The following SCN2A variants were observed in gnomAD, a reference collection of about 807,000 sequenced individuals.
SCN2A encodes the protein sodium channel protein type 2 subunit alpha.
SCN2A carries 20 observed loss-of-function variants against 188.7 expected under a neutral mutation model. The observed-to-expected ratio is 0.11, with a 90% CI of 0.07 to 0.15. SCN2A has a LOEUF of 0.15. Among genes scored for constraint, SCN2A ranks in the 10% least tolerant of loss-of-function variants. The pLI, the probability that SCN2A is intolerant of heterozygous loss-of-function variation, is 1.00. For missense variants in SCN2A, 1,278 were observed against 2,445.0 expected, an observed-to-expected ratio of 0.52 and a Z score of 10.07; for synonymous variants, 804 against 833.1, an observed-to-expected ratio of 0.97 and a Z score of 0.60.
chr2:165,261,482 T>C (rs1454938025), intron 1 of SCN2A, among the ~76,000 whole-genome samples: 1 of 152,210 alleles, frequency 6.6e-6, no homozygotes, highest in East Asian at 1.9e-4. Context: ...AACAGGGAAG[T>C]TATATACTAG....
chr2:165,384,047 G>A (rs899021072), intron 25 of SCN2A, among the ~76,000 whole-genome samples: 10 of 151,954 alleles, frequency 6.6e-5, no homozygotes, highest in African/African-American at 2.4e-4. Context: ...GAATAATTAC[G>A]GCATAAAAAT....
At chr2:165,379,819 T>C (rs1250391831) in intron 23 of SCN2A, among the ~76,000 whole-genome samples, 1 of 151,728 alleles carries the variant, frequency 6.6e-6, no homozygotes, top group Non-Finnish European at 1.5e-5. Context: ...TCATCAGGGA[T>C]TGGTTAACTG....
At chr2:165,368,935 T>TATC (rs1700875330) in intron 19 of SCN2A, among the ~76,000 whole-genome samples, 3 of 151,812 alleles carry the variant, frequency 2.0e-5, no homozygotes, top group African/African-American at 7.3e-5. Flanking sequence ...TTATTATTAT[T>TATC]ATTATTATTT....
intron 10 of SCN2A, 77 bp from the exon 11 acceptor site, chr2:165,315,394 G>A (rs562327683): frequency 1.3e-6 from 2 of 1,593,048 alleles, no homozygotes; most frequent in African/African-American, 1.3e-5. Context: ...TCATGATATT[G>A]AAGCTCAATT....
Position 165,295,791 on chromosome 2 carries a change from G to A in SCN2A, c.-33G>A. The A allele has an allele frequency of 6.2e-7, 1 of 1,613,760 alleles. No homozygotes were observed. The highest frequency in any genetic ancestry group is 8.5e-7 in the Non-Finnish European group (1 of 1,179,958). On this transcript the variant is annotated 5_prime_UTR_variant, in exon 2 of 27. Coordinates refer to ENST00000375437, the MANE Select transcript of SCN2A (RefSeq NM_001040142.2). ...TCTGTAGCACTTTCTTATGCAAGGA[G>A]CTAAACAGTGATTAAAGGAGCAGGA...
Position 165,367,124 on chromosome 2 carries a change from A to G in SCN2A, c.3521-93A>G, listed in dbSNP as rs1421924121. 4 of 1,180,072 alleles carry G rather than the reference A, an allele frequency of 3.4e-6. No homozygotes were observed. In the Admixed American group the frequency reaches 7.2e-5, roughly 21 times the overall value. 73.1% of individuals were successfully genotyped at this position (1,180,072 alleles called of 1,614,324 possible). On this transcript the variant is annotated intron_variant, in intron 18 of 26. Transcript: ENST00000375437. ...AAATTAATGTTATTTACAATGTATT[A>G]TCAGGTAATAATGTAAATGAATCTC...
rs202213909 is a variant in SCN2A at position 165,389,858 on chromosome 2, T to C, written c.*34T>C. 78 of 1,562,240 alleles carry C rather than the reference T, an allele frequency of 5.0e-5. 1 individual carries two copies. The highest frequency in any genetic ancestry group is 3.9e-4 in the African/African-American group (29 of 74,112). ...CAAGAATTTTCCATTTTGTGATCAA[T>C]TGTTTACAGCCCGTGATGGTGATGT... On this transcript the variant is annotated 3_prime_UTR_variant, in exon 27 of 27. Coordinates refer to ENST00000375437, the MANE Select transcript of SCN2A (RefSeq NM_001040142.2). This position sits in a 1 kb window ranked among gnomAD's most constrained non-coding sequence, Gnocchi z 4.2.
chr2:165,244,075 C>G (rs1693739877), intron 1 of SCN2A, among the ~76,000 whole-genome samples: 1 of 151,890 alleles, frequency 6.6e-6, no homozygotes. Flanking sequence ...AAACCTGTCT[C>G]TAGTAAAAAT....
intron 1 of SCN2A, among the ~76,000 whole-genome samples, chr2:165,240,659 C>CTGTGTGTGTGTGTGTGTGTGTGTGTGTG (rs35247335): frequency 7.3e-6 from 1 of 136,382 alleles, no homozygotes; most frequent in African/African-American, 2.8e-5. Flanking sequence ...GTGGAAAGAG[C>CTGTGTGTGTGTGTGTGTGTGTGTGTGTG]TGTGTGTGTG....
At chr2:165,338,638 C>G (rs1048320363) in intron 14 of SCN2A, among the ~76,000 whole-genome samples, 1 of 151,640 alleles carries the variant, frequency 6.6e-6, no homozygotes, top group South Asian at 2.1e-4. Context: ...AACACAGAAG[C>G]AAAAAATCAT....
intron 11 of SCN2A, among the ~76,000 whole-genome samples, chr2:165,319,430 T>C (rs1024516157): frequency 6.6e-6 from 1 of 152,200 alleles, no homozygotes; most frequent in Non-Finnish European, 1.5e-5. Flanking sequence ...AGACATTTAA[T>C]AGAAACTAAC....
Position 165,323,212 on chromosome 2 carries a change from C to A in SCN2A, c.1728C>A (p.Ser576Arg), listed in dbSNP as rs1382196994. The A allele has an allele frequency of 1.2e-6, 2 of 1,614,192 alleles. No individual in the cohort carries two copies. The highest frequency in any genetic ancestry group is 1.7e-6 in the Non-Finnish European group (2 of 1,180,040). ...CTCCAAGACGCAACAGTAGGGCGAG[C>A]CTTTTCAGCTTCAGAGGTCGAGCAA... ...LFSPRRNSRA[S>R]LFSFRGRAKD... The change falls in exon 12 of 27, where the codon AGC becomes AGA. Residue 576 changes from serine to arginine, a missense_variant. By Grantham distance (110) the Ser-to-Arg change is moderately radical (BLOSUM62 -1). Around this residue, in one of 17 missense-constraint regions of SCN2A, gnomAD observed 315 missense variants for 386.6 expected, o/e 0.81. Coordinates refer to ENST00000375437, the MANE Select transcript of SCN2A (RefSeq NM_001040142.2).
At chr2:165,299,294 T>C (rs1408151363) in intron 3 of SCN2A, among the ~76,000 whole-genome samples, 1 of 152,128 alleles carries the variant, frequency 6.6e-6, no homozygotes. Context: ...TTGTATTTGC[T>C]TCCTGGGGGA....
intron 1 of SCN2A, chr2:165,294,116 G>C: frequency 1.0e-6 from 1 of 982,040 alleles, no homozygotes; most frequent in Non-Finnish European, 1.2e-6. Context: ...CAAACTCTGG[G>C]TGTAAAAGAT....
intron 14 of SCN2A, among the ~76,000 whole-genome samples, chr2:165,341,305 G>T (rs1338352899): frequency 1.3e-5 from 2 of 151,998 alleles, no homozygotes; most frequent in African/African-American, 2.4e-5. Context: ...GTGTTAGCCA[G>T]GATAGTCTCG....
chr2:165,354,763 G>A, intron 17 of SCN2A, 92 bp downstream of exon 17: 2 of 1,304,632 alleles, frequency 1.5e-6, no homozygotes, highest in African/African-American at 1.5e-5. Flanking sequence ...TTTCCTTCCT[G>A]TTAAGAAAAT....
intron 1 of SCN2A, among the ~76,000 whole-genome samples, chr2:165,258,865 C>T (rs1199203996): frequency 1.3e-5 from 2 of 152,112 alleles, no homozygotes; most frequent in Non-Finnish European, 2.9e-5. Flanking sequence ...TTCTAACTTA[C>T]AAGTGGGAGC....
At chr2:165,328,434 G>C in intron 13 of SCN2A, 1 of 974,876 alleles carries the variant, frequency 1.0e-6, no homozygotes, top group Non-Finnish European at 1.2e-6. Context: ...CTGGCCTTCC[G>C]CTCCTTGCCA....
intron 16 of SCN2A, among the ~76,000 whole-genome samples, chr2:165,352,187 GT>G (rs758123415): frequency 1.3e-5 from 2 of 151,848 alleles, no homozygotes; most frequent in African/African-American, 4.8e-5. Flanking sequence ...TCCTTTGTCT[GT>G]TTTTTTAATC....
Sources: allele counts gnomAD v4.1 joint callset (sites outside exome capture counted in the v4.1 genomes callset), GRCh38; gene constraint gnomAD v4.1.1; regional missense constraint gnomAD v4.1.1; non-coding constraint Gnocchi (gnomAD v3.1); transcripts MANE v1.5; gene names NCBI Gene and HGNC (gene_info 2026-07-23, HGNC 2026-07-21).